DEUP1: variants seen among roughly 807,000 people sequenced by gnomAD.
DEUP1 encodes the protein coiled-coil domain containing 67.
Under a neutral mutation model 87.4 loss-of-function variants are expected in DEUP1, and 82 were observed. That is an observed-to-expected ratio of 0.94 (90% CI 0.78 to 1.13). DEUP1 has a LOEUF of 1.13. DEUP1 is among the 50% of genes most tolerant of loss of function. The pLI is 0.00. For synonymous variants in DEUP1, 214 were observed against 222.7 expected (o/e 0.96, Z 0.35); for missense variants, 663 against 681.5 (o/e 0.97, Z 0.30).
intron 4 of DEUP1, among the ~76,000 whole-genome samples, chr11:93,360,487 A>G (rs1945119018): frequency 6.6e-6 from 1 of 152,206 alleles, no homozygotes; most frequent in Non-Finnish European, 1.5e-5. Context: ...AAGATGCCAC[A>G]TGTTAGAATT....
intron 5 of DEUP1, among the ~76,000 whole-genome samples, chr11:93,366,983 T>G (rs572000622): frequency 9.2e-5 from 14 of 152,308 alleles, no homozygotes; most frequent in African/African-American, 3.4e-4. Flanking sequence ...GAACCTCATT[T>G]TATAAATTTG....
At chr11:93,383,334 A>G in intron 7 of DEUP1, 1 of 326,020 alleles carries the variant, frequency 3.1e-6, no homozygotes, top group Non-Finnish European at 5.5e-6. Flanking sequence ...GAACCTTGAA[A>G]GCATTATGCT....
At chr11:93,375,522 T>A (rs1378224243) in intron 7 of DEUP1, among the ~76,000 whole-genome samples, 1 of 152,206 alleles carries the variant, frequency 6.6e-6, no homozygotes, top group Non-Finnish European at 1.5e-5. Flanking sequence ...ACATAATTTT[T>A]CTGTGTCTAT....
intron 4 of DEUP1, 120 bp downstream of exon 4, chr11:93,357,163 G>A: frequency 1.6e-6 from 1 of 635,614 alleles, no homozygotes; most frequent in Non-Finnish European, 2.7e-6. Context: ...TTAATTATAA[G>A]CTTGGTCATG....
At chr11:93,413,494 A>G (rs997157666) in intron 12 of DEUP1, among the ~76,000 whole-genome samples, 1 of 152,120 alleles carries the variant, frequency 6.6e-6, no homozygotes, top group South Asian at 2.1e-4. Flanking sequence ...TGCCTGCCTC[A>G]GCCTCTCAAA....
intron 2 of DEUP1, among the ~76,000 whole-genome samples, chr11:93,351,477 G>A (rs1430771330): frequency 6.6e-6 from 1 of 152,092 alleles, no homozygotes; most frequent in Non-Finnish European, 1.5e-5. Context: ...AGCTTACATT[G>A]ACATAGTTCT....
intron 7 of DEUP1, among the ~76,000 whole-genome samples, chr11:93,374,875 T>C (rs1464168935): frequency 1.3e-5 from 2 of 152,090 alleles, no homozygotes; most frequent in African/African-American, 2.4e-5. Flanking sequence ...GGGAGTATGG[T>C]CATTTTCACA....
At chr11:93,354,617 G>A (rs1263147975) in intron 2 of DEUP1, among the ~76,000 whole-genome samples, 1 of 152,070 alleles carries the variant, frequency 6.6e-6, no homozygotes, top group Non-Finnish European at 1.5e-5. Context: ...CAGAATCATG[G>A]GGGGAGCCAA....
chr11:93,410,052 A>T (rs1162628856), intron 12 of DEUP1, among the ~76,000 whole-genome samples: 2 of 150,116 alleles, frequency 1.3e-5, no homozygotes, highest in African/African-American at 2.5e-5. Flanking sequence ...GGGATATATT[A>T]AAAAAAAATG....
chr11:93,371,791 G>A (rs974992120), intron 7 of DEUP1, among the ~76,000 whole-genome samples: 1 of 152,114 alleles, frequency 6.6e-6, no homozygotes, highest in African/African-American at 2.4e-5. Context: ...AAATATGATT[G>A]ATGGTTTAAC....
At chr11:93,430,144 C>T (rs189630374) in intron 13 of DEUP1, among the ~76,000 whole-genome samples, 349 of 152,248 alleles carry the variant, frequency 2.3e-3, no homozygotes, top group Admixed American at 6.1e-3. Flanking sequence ...CTCCTGCCAC[C>T]CTCTGGCTAC....
chr11:93,382,154 T>C (rs1946331715), intron 7 of DEUP1, among the ~76,000 whole-genome samples: 1 of 152,216 alleles, frequency 6.6e-6, no homozygotes, highest in Non-Finnish European at 1.5e-5. Context: ...TCACAAATAA[T>C]TGATTTGACT....
At chr11:93,420,386 T>A (rs1449519539) in intron 13 of DEUP1, among the ~76,000 whole-genome samples, 1 of 152,140 alleles carries the variant, frequency 6.6e-6, no homozygotes, top group East Asian at 1.9e-4. Context: ...AAAAACTCAA[T>A]AAATTAGGTA....
intron 11 of DEUP1, among the ~76,000 whole-genome samples, chr11:93,401,670 C>T (rs1398305714): frequency 6.6e-6 from 1 of 151,618 alleles, no homozygotes; most frequent in Non-Finnish European, 1.5e-5. Flanking sequence ...TCTTCGATAA[C>T]CACAATGAGA....
At chr11:93,418,339 AAAAC>A (rs1333067032) in intron 13 of DEUP1, among the ~76,000 whole-genome samples, 3 of 152,026 alleles carry the variant, frequency 2.0e-5, no homozygotes, top group Non-Finnish European at 2.9e-5. Context: ...TTACAAGAAA[AAAAC>A]AAACAACCCC....
chr11:93,352,685 A>T (rs1402848093), intron 2 of DEUP1, among the ~76,000 whole-genome samples: 1 of 152,208 alleles, frequency 6.6e-6, no homozygotes, highest in Non-Finnish European at 1.5e-5. Context: ...CCTCAGATTC[A>T]TGGCAGGAGG....
intron 2 of DEUP1, among the ~76,000 whole-genome samples, chr11:93,332,862 T>G (rs1283268233): frequency 6.6e-6 from 1 of 152,274 alleles, no homozygotes; most frequent in East Asian, 1.9e-4. Flanking sequence ...CAGAGTTTTC[T>G]CTTCCTATTG....
At chr11:93,431,893 G>A (rs1003714740) in intron 13 of DEUP1, among the ~76,000 whole-genome samples, 1 of 152,166 alleles carries the variant, frequency 6.6e-6, no homozygotes, top group Non-Finnish European at 1.5e-5. Flanking sequence ...GAAGACTAGG[G>A]AAGAAATAGG....
chr11:93,376,784 T>C (rs916519410), intron 7 of DEUP1, among the ~76,000 whole-genome samples: 1 of 152,222 alleles, frequency 6.6e-6, no homozygotes, highest in Admixed American at 6.5e-5. Context: ...TAGTACTGCT[T>C]TTGCTGTATC....
Sources: allele counts gnomAD v4.1 joint callset (sites outside exome capture counted in the v4.1 genomes callset), GRCh38; gene constraint gnomAD v4.1.1; transcripts MANE v1.5; gene names NCBI Gene and HGNC (gene_info 2026-07-23, HGNC 2026-07-21).